PTCH2: variants seen among roughly 807,000 people sequenced by gnomAD.
The protein encoded by PTCH2 is protein patched homolog 2.
PTCH2 carries 96 observed loss-of-function variants against 117.9 expected under a neutral mutation model. The observed-to-expected ratio is 0.81, with a 90% CI of 0.69 to 0.96. The LOEUF (loss-of-function observed/expected upper bound fraction) is 0.96, where lower values mean the gene tolerates loss of function less well. Ranked by LOEUF, PTCH2 falls within the 50% of genes least tolerant of loss-of-function variation. The pLI, the probability that PTCH2 is intolerant of heterozygous loss-of-function variation, is 0.00. For missense variants in PTCH2, 1,379 were observed against 1,562.5 expected (o/e 0.88, Z 1.98); for synonymous variants, 615 against 660.9 (o/e 0.93, Z 1.06).
chr1:44,835,062 T>C (rs927525468), intron 2 of PTCH2, among the ~76,000 whole-genome samples: 12 of 152,200 alleles, frequency 7.9e-5, no homozygotes, highest in South Asian at 4.1e-4. Flanking sequence ...GATTGATACA[T>C]GAAAAAACAA....
chr1:44,835,641 T>C (rs984829878), intron 2 of PTCH2, among the ~76,000 whole-genome samples: 7 of 152,234 alleles, frequency 4.6e-5, no homozygotes, highest in Non-Finnish European at 1.0e-4. Context: ...AAGGCCTATA[T>C]ACTATTGTAG....
intron 2 of PTCH2, among the ~76,000 whole-genome samples, chr1:44,834,498 G>C (rs1014609257): frequency 6.6e-6 from 1 of 152,154 alleles, no homozygotes; most frequent in African/African-American, 2.4e-5. Flanking sequence ...ACCAAGATTA[G>C]GCCGAAGGCT....
chr1:44,826,281 A>C lies in PTCH2; in HGVS notation c.3083T>G (p.Ile1028Ser). Residue 1028 changes from isoleucine (I) to serine (S), a missense_variant, in exon 19 of 22, where the codon ATT (isoleucine) becomes AGT (serine). Ile to Ser is a moderately radical substitution (Grantham distance 142, BLOSUM62 -2). Transcript: ENST00000372192. This position sits in a 1 kb window ranked among gnomAD's most constrained non-coding sequence, Gnocchi z 5.1. ...CACGTGGACTGTGAACTCAACGCCA[A>C]TGCCTACAGAGGCCACAAGGATCAC... ...PVVILVASVG[I>S]GVEFTVHVAL... 1 of 1,614,144 alleles carries C rather than the reference A, an allele frequency of 6.2e-7. No homozygotes were observed. Among genetic ancestry groups the C allele is most frequent in the Non-Finnish European group, 8.5e-7 (1 of 1,180,036 alleles).
At chr1:44,824,671 A>T (rs1013056853) in intron 19 of PTCH2, among the ~76,000 whole-genome samples, 6 of 151,818 alleles carry the variant, frequency 4.0e-5, no homozygotes, top group African/African-American at 7.3e-5. Context: ...CTAATTATTT[A>T]AAAAAAATTT....
In PTCH2 at chr1:44,826,162, T is replaced by C; in HGVS notation, c.3114+88A>G. On this transcript the variant is annotated intron_variant, in intron 19 of 21. Coordinates refer to ENST00000372192, the MANE Select transcript of PTCH2 (RefSeq NM_003738.5). This position sits in a 1 kb window ranked among gnomAD's most constrained non-coding sequence, Gnocchi z 5.1. ...CGTCCACCCAGCCCAAATTCTTAAA[T>C]AGTACCTAGCACATAGTAGGGGCTT... 1 of 1,529,088 alleles carries C rather than the reference T, an allele frequency of 6.5e-7. No individual in the cohort carries two copies. Among genetic ancestry groups the C allele is most frequent in the African/African-American group, 1.4e-5 (1 of 72,912 alleles). 94.7% of individuals were successfully genotyped at this position (1,529,088 alleles called of 1,614,324 possible). A position where few individuals can be genotyped will look rare whatever the true frequency, so the allele number is the denominator to read the frequency against.
At chr1:44,835,064 A>G (rs1653625390) in intron 2 of PTCH2, among the ~76,000 whole-genome samples, 1 of 152,152 alleles carries the variant, frequency 6.6e-6, no homozygotes, top group African/African-American at 2.4e-5. Context: ...TTGATACATG[A>G]AAAAACAACT....
At chr1:44,820,155 C>T (rs1652855921), downstream of PTCH2, 1 of 348,080 alleles carries the variant, frequency 2.9e-6, no homozygotes, top group Non-Finnish European at 5.7e-6. Flanking sequence ...AATGCGCGCA[C>T]AGAGGGAGTG....
chr1:44,839,673 T>C (rs1041260574), intron 2 of PTCH2, among the ~76,000 whole-genome samples: 5 of 152,082 alleles, frequency 3.3e-5, no homozygotes, highest in Admixed American at 1.3e-4. Flanking sequence ...CCAAGAGTCA[T>C]CTGGGACCAC....
Position 44,826,088 on chromosome 1 carries a change from C to T in PTCH2, c.3114+162G>A, listed in dbSNP as rs1269208683. Among the ~76,000 whole-genome samples, 1 of 152,154 alleles carries T rather than the reference C, an allele frequency of 6.6e-6. No homozygotes were observed. ...TTCGAACTCCTGACCTCAGGTGATC[C>T]ACCTGCCTCGGCCTCCCAAAGTGCT... is the stretch of plus-strand genomic sequence containing the variant. On this transcript the variant is annotated intron_variant, in intron 19 of 21. Transcript: ENST00000372192. This position sits in a 1 kb window ranked among gnomAD's most constrained non-coding sequence, Gnocchi z 5.1.
downstream of PTCH2, chr1:44,820,144 A>G: frequency 5.8e-6 from 2 of 347,510 alleles, no homozygotes; most frequent in South Asian, 4.2e-5. Flanking sequence ...AACAGTGCAG[A>G]AATGCGCGCA....
chr1:44,839,376 A>G (rs979401467), intron 2 of PTCH2, among the ~76,000 whole-genome samples: 1 of 138,266 alleles, frequency 7.2e-6, no homozygotes, highest in Admixed American at 7.8e-5. Context: ...AAAAAAAAAA[A>G]AAAAAAACAG....
rs765766225 is a variant in PTCH2, at chr1:44,831,821, G to A, written c.526-24C>T. ...ATCTGCCAGGGATACCCCGGGCCAC[G>A]TCAGTCCTGCCCCACAACCTTTGTA... is the stretch of plus-strand genomic sequence containing the variant. On this transcript the variant is annotated intron_variant, in intron 4 of 21. Transcript: ENST00000372192. The surrounding 1 kb of genome is among the most constrained non-coding windows in gnomAD (Gnocchi z 4.3). 11 of 1,608,490 alleles carry A rather than the reference G, an allele frequency of 6.8e-6. No individual in the cohort carries two copies. Among genetic ancestry groups the A allele is most frequent in the African/African-American group, 4.0e-5 (3 of 74,706 alleles).
rs759692145 is a variant in PTCH2, at chr1:44,826,905, G to A, written c.2692C>T (p.Arg898Cys). ...CCGAGCTCCCCCCAAGACTCACTGC[G>A]AAGGTTCTCCCCCGTGGTGTCGTAT... ...DKYDTTGENL[R>C]IPPAQPLEFA... The change falls in exon 17 of 22, where the codon CGC (arginine) becomes TGC (cysteine). Residue 898 changes from arginine (R) to cysteine (C), a missense_variant. By Grantham distance (180) the Arg-to-Cys change is radical (BLOSUM62 -3). Coordinates refer to ENST00000372192, the MANE Select transcript of PTCH2 (RefSeq NM_003738.5). The surrounding 1 kb of genome is among the most constrained non-coding windows in gnomAD (Gnocchi z 5.1). The A allele has an allele frequency of 9.3e-6, 15 of 1,614,022 alleles. No homozygotes were observed. The highest frequency in any genetic ancestry group is 6.6e-5 in the South Asian group (6 of 91,080).
rs1214785008 is a variant in PTCH2, at chr1:44,824,436, TGTATCTCTG to T, written c.3115-1060_3115-1052del. Among the ~76,000 whole-genome samples the T allele has an allele frequency of 4.6e-5, 7 of 152,090 alleles. No individual in the cohort carries two copies. The South Asian group carries it at 1.5e-3, about 32-fold the overall frequency. On this transcript the variant is annotated intron_variant, in intron 19 of 21. Transcript: ENST00000372192. Reference sequence around the variant, plus strand: ...AGGCCCTCCTTGGTTCTGGCATCTCTGTATCTCTGGTATCTTTGTAGAACCCCTCCATTA... The same window carrying T: ...AGGCCCTCCTTGGTTCTGGCATCTCTGTATCTTTGTAGAACCCCTCCATTA...
Position 44,842,900 on chromosome 1 carries a change from G to A in PTCH2, c.33C>T (p.Pro11=), listed in dbSNP as rs763662470. 1 of 1,550,350 alleles carries A rather than the reference G, an allele frequency of 6.5e-7. No homozygotes were observed. Among genetic ancestry groups the A allele is most frequent in the Non-Finnish European group, 8.7e-7 (1 of 1,146,396 alleles). MTRSPPLREL[P]PSYTPPARTA... ...TTCGAGCTGGGGGTGTGTAACTCGG[G>A]GGCAGCTCTCTGAGGGGCGGCGATC... The change falls in exon 1 of 22, where the codon CCC becomes CCT. Residue 11 remains proline, a synonymous_variant. Coordinates refer to ENST00000372192, the MANE Select transcript of PTCH2 (RefSeq NM_003738.5).
At chr1:44,836,695 A>G (rs1268261958) in intron 2 of PTCH2, among the ~76,000 whole-genome samples, 1 of 151,236 alleles carries the variant, frequency 6.6e-6, no homozygotes, top group Non-Finnish European at 1.5e-5. Context: ...AGAGAGCAAG[A>G]CTCTGTCTCG....
At chr1:44,837,785 AG>A (rs938845108) in intron 2 of PTCH2, among the ~76,000 whole-genome samples, 27 of 152,024 alleles carry the variant, frequency 1.8e-4, no homozygotes, top group Admixed American at 1.0e-3. Flanking sequence ...CAAGGTAGAA[AG>A]GATGGGTTTG....
At chr1:44,827,136 T>C in intron 16 of PTCH2, 31 bp downstream of exon 16, 1 of 1,613,972 alleles carries the variant, frequency 6.2e-7, no homozygotes, top group Non-Finnish European at 8.5e-7. Context: ...GCAGCCCCTG[T>C]ACTAGTGGAC....
chr1:44,839,753 G>A (rs542858151), intron 2 of PTCH2, among the ~76,000 whole-genome samples: 75 of 152,288 alleles, frequency 4.9e-4, no homozygotes, highest in African/African-American at 1.8e-3. Context: ...TGGGGCTGGG[G>A]GCAGGCAGGC....
Sources: gnomAD v4.1 joint callset for allele counts (sites outside exome capture counted in the v4.1 genomes callset) on GRCh38, gnomAD v4.1.1 for gene constraint, Gnocchi (gnomAD v3.1) non-coding constraint, MANE v1.5 for transcripts, NCBI Gene and HGNC (gene_info 2026-07-23, HGNC 2026-07-21) for gene names.